MAGI2: variants seen among roughly 807,000 people sequenced by gnomAD.
MAGI2 encodes the protein membrane-associated guanylate kinase, WW and PDZ domain-containing protein 2.
MAGI2 carries 35 observed loss-of-function variants against 133.3 expected under a neutral mutation model. The observed-to-expected ratio is 0.26, with a 90% CI of 0.20 to 0.35. The LOEUF is 0.35. Among genes scored for constraint, MAGI2 ranks in the 10% least tolerant of loss-of-function variants. The pLI is 1.00. For synonymous variants in MAGI2, 729 were observed against 710.6 expected (o/e 1.03, Z -0.41); for missense variants, 1,636 against 1,863.4 (o/e 0.88, Z 2.25).
chr7:78,144,092 C>A (rs1823043779), intron 16 of MAGI2, among the ~76,000 whole-genome samples: 2 of 151,960 alleles, frequency 1.3e-5, no homozygotes, highest in South Asian at 4.1e-4. Context: ...CTATAGATTT[C>A]TTTCCTCAAA....
At position 79,453,618 on chromosome 7, in the gene MAGI2, G is replaced by T; in HGVS notation, c.-298C>A. 1.2e-5 allele frequency: 13 copies of T among 1,095,376 alleles called. No homozygotes were observed. Among genetic ancestry groups the T allele is most frequent in the Non-Finnish European group, 1.5e-5 (13 of 891,626 alleles). 67.9% of individuals were successfully genotyped at this position (1,095,376 alleles called of 1,614,324 possible). ...AAGCAGTGGTGGTGGCGTCGGCGGC[G>T]GCGGCGGCGGCAGCCGGAGCGAGCA... On this transcript the variant is annotated 5_prime_UTR_variant, in exon 1 of 22. Coordinates refer to ENST00000354212, the MANE Select transcript of MAGI2 (RefSeq NM_012301.4).
intron 6 of MAGI2, among the ~76,000 whole-genome samples, chr7:78,431,459 TCTGA>T (rs1237572520): frequency 6.6e-6 from 1 of 152,156 alleles, no homozygotes; most frequent in African/African-American, 2.4e-5. Flanking sequence ...GGAAAGCAGT[TCTGA>T]CTATTTCTTG....
chr7:78,576,205 T>G (rs1266600749), intron 3 of MAGI2, among the ~76,000 whole-genome samples: 1 of 151,926 alleles, frequency 6.6e-6, no homozygotes, highest in Non-Finnish European at 1.5e-5. Flanking sequence ...TTTTTTTTTC[T>G]TGTTTTGTCA....
chr7:79,242,379 A>C (rs1378825898), intron 1 of MAGI2, among the ~76,000 whole-genome samples: 1 of 152,202 alleles, frequency 6.6e-6, no homozygotes, highest in Non-Finnish European at 1.5e-5. Context: ...TTTAAAGCAT[A>C]AGTTAAGGTG....
intron 2 of MAGI2, among the ~76,000 whole-genome samples, chr7:78,694,146 A>G (rs2151130245): frequency 6.6e-6 from 1 of 152,232 alleles, no homozygotes; most frequent in East Asian, 1.9e-4. Context: ...TAGGGTTGTC[A>G]GGAGGAATAA....
chr7:78,082,098 G>A (rs1029119515), intron 20 of MAGI2, among the ~76,000 whole-genome samples: 12 of 152,160 alleles, frequency 7.9e-5, no homozygotes, highest in African/African-American at 2.9e-4. Flanking sequence ...TGTGTCCTGA[G>A]ACTGACATTT....
chr7:78,615,504 C>T (rs2150923648), intron 3 of MAGI2: 1 of 152,286 alleles, frequency 6.6e-6, no homozygotes, highest in South Asian at 2.1e-4. Flanking sequence ...TAGAATTGAT[C>T]CTGGGGGACC....
At chr7:79,407,629 G>C (rs566120131) in intron 1 of MAGI2, among the ~76,000 whole-genome samples, 3 of 152,204 alleles carry the variant, frequency 2.0e-5, no homozygotes, top group East Asian at 3.9e-4. Flanking sequence ...TATTTTGTGA[G>C]AATTTTGGTC....
chr7:78,140,452 C>A (rs530532968), intron 16 of MAGI2, among the ~76,000 whole-genome samples: 1 of 152,228 alleles, frequency 6.6e-6, no homozygotes, highest in Admixed American at 6.5e-5. Flanking sequence ...ATCGATCATG[C>A]CAAACTTACA....
At chr7:78,792,478 G>C (rs1248281077) in intron 2 of MAGI2, among the ~76,000 whole-genome samples, 1 of 152,188 alleles carries the variant, frequency 6.6e-6, no homozygotes, top group Non-Finnish European at 1.5e-5. Context: ...GGAACCTCAG[G>C]CTGGAAATAA....
At chr7:78,983,020 G>T (rs570516148) in intron 2 of MAGI2, among the ~76,000 whole-genome samples, 7 of 151,984 alleles carry the variant, frequency 4.6e-5, no homozygotes, top group African/African-American at 1.7e-4. Flanking sequence ...GGATTTCAAA[G>T]ACTTACTACA....
intron 6 of MAGI2, among the ~76,000 whole-genome samples, chr7:78,452,027 G>A (rs908773120): frequency 2.0e-5 from 3 of 152,054 alleles, no homozygotes; most frequent in African/African-American, 7.2e-5. Flanking sequence ...GAGGGATACT[G>A]ATGTAACAAT....
chr7:79,217,345 C>G (rs965305304), intron 1 of MAGI2, among the ~76,000 whole-genome samples: 1 of 151,542 alleles, frequency 6.6e-6, no homozygotes, highest in Non-Finnish European at 1.5e-5. Flanking sequence ...TACTTTAGTC[C>G]CTATCATATA....
chr7:78,721,021 A>G (rs571048970), intron 2 of MAGI2, among the ~76,000 whole-genome samples: 12 of 152,118 alleles, frequency 7.9e-5, no homozygotes, highest in African/African-American at 2.4e-4. Flanking sequence ...TTCTAGAAGA[A>G]CTCTGAAGAA....
chr7:79,263,742 C>A (rs925173252), intron 1 of MAGI2, among the ~76,000 whole-genome samples: 20 of 152,020 alleles, frequency 1.3e-4, no homozygotes, highest in African/African-American at 4.8e-4. Context: ...ATGCTGCTTT[C>A]TTTTTCATTG....
intron 21 of MAGI2, among the ~76,000 whole-genome samples, chr7:78,023,886 C>G (rs1222468685): frequency 6.6e-6 from 1 of 151,580 alleles, no homozygotes. Flanking sequence ...AAATTAAAAA[C>G]ACAGTACAGC....
chr7:79,352,293 G>A (rs533754390), intron 1 of MAGI2, among the ~76,000 whole-genome samples: 8 of 152,224 alleles, frequency 5.3e-5, no homozygotes, highest in Admixed American at 3.9e-4. Flanking sequence ...GTCTCATTTG[G>A]GAAAATATTA....
At chr7:78,621,828 C>T (rs1262095549) in intron 3 of MAGI2, among the ~76,000 whole-genome samples, 1 of 151,998 alleles carries the variant, frequency 6.6e-6, no homozygotes, top group Non-Finnish European at 1.5e-5. Context: ...ACAAATTATG[C>T]TTTAGCCACA....
At chr7:79,211,361 TG>T (rs1195835939) in intron 1 of MAGI2, among the ~76,000 whole-genome samples, 1 of 152,000 alleles carries the variant, frequency 6.6e-6, no homozygotes, top group Non-Finnish European at 1.5e-5. Flanking sequence ...ACTGCAGCCC[TG>T]ATCTCCCGGT....
Sources: gnomAD v4.1 joint callset for allele counts (sites outside exome capture counted in the v4.1 genomes callset) on GRCh38, gnomAD v4.1.1 for gene constraint, MANE v1.5 for transcripts, NCBI Gene and HGNC (gene_info 2026-07-23, HGNC 2026-07-21) for gene names.